PPM1L: variants seen among roughly 807,000 people sequenced by gnomAD.
The protein encoded by PPM1L is protein phosphatase 1L.
PPM1L carries 13 observed loss-of-function variants against 31.4 expected under a neutral mutation model. The ratio of observed to expected loss-of-function variants is 0.41; its 90% CI spans 0.27 to 0.66. PPM1L has a LOEUF of 0.66. PPM1L is among the 30% of genes least tolerant of loss of function. The pLI is 0.29. For synonymous variants in PPM1L, 184 were observed against 175.4 expected (o/e 1.05, Z -0.39); for missense variants, 326 against 453.7 (o/e 0.72, Z 2.56).
chr3:160,816,478 GTTT>G (rs5853903), intron 1 of PPM1L, among the ~76,000 whole-genome samples: 4 of 145,796 alleles, frequency 2.7e-5, no homozygotes, highest in Non-Finnish European at 1.5e-5. Context: ...GACAGAGTCT[GTTT>G]TTTTTTTTTT....
Position 160,756,474 on chromosome 3 carries a change from G to A in PPM1L, c.166G>A (p.Val56Met), listed in dbSNP as rs756280413. The change falls in exon 1 of 4, where the codon GTG becomes ATG. Residue 56 changes from valine to methionine, a missense_variant. Physicochemically the swap from Val to Met is conservative, Grantham distance 21 (BLOSUM62 1). Coordinates refer to ENST00000498165, the MANE Select transcript of PPM1L (RefSeq NM_139245.4). The surrounding 1 kb of genome is among the most constrained non-coding windows in gnomAD (Gnocchi z 6.2). The stretch of plus-strand genomic sequence containing the variant: ...CATCGTGAAGTCCAGCCGGGACGCC[G>A]TGAAGATGGTGAAGGGCAAGGTAGC... ...KTIVKSSRDA[V>M]KMVKGKVAEI... The A allele has an allele frequency of 6.2e-6, 10 of 1,614,072 alleles. No individual in the cohort carries two copies. The highest frequency in any genetic ancestry group is 5.0e-5 in the Admixed American group (3 of 60,008).
chr3:160,911,669 T>C (rs548751981), intron 1 of PPM1L, among the ~76,000 whole-genome samples: 1 of 152,282 alleles, frequency 6.6e-6, no homozygotes, highest in East Asian at 1.9e-4. Context: ...TGTACTAGCA[T>C]TGCCTTCTAG....
chr3:161,014,631 C>A (rs564843394), intron 2 of PPM1L, among the ~76,000 whole-genome samples: 7 of 152,042 alleles, frequency 4.6e-5, no homozygotes, highest in Non-Finnish European at 5.9e-5. Context: ...CACGCCACCA[C>A]GCCCAGCTAA....
intron 3 of PPM1L, 46 bp downstream of exon 3, chr3:161,065,610 G>T: frequency 6.3e-7 from 1 of 1,581,924 alleles, no homozygotes; most frequent in South Asian, 1.1e-5. Context: ...TCTTGCTGGT[G>T]AACAAGGCGG....
intron 1 of PPM1L, among the ~76,000 whole-genome samples, chr3:160,811,715 G>A (rs866664099): frequency 1.8e-4 from 27 of 152,156 alleles, no homozygotes; most frequent in African/African-American, 6.0e-4. Context: ...GCTCTGTGAC[G>A]TTCTACCTAG....
intron 1 of PPM1L, among the ~76,000 whole-genome samples, chr3:160,770,774 G>T (rs1369693252): frequency 6.6e-6 from 1 of 152,194 alleles, no homozygotes; most frequent in African/African-American, 2.4e-5. Flanking sequence ...GAGCCATTTT[G>T]CCCTGGCACT....
rs1576636132 is a variant in PPM1L, at chr3:160,785,027, A to G, written c.399+28320A>G. ...AACTTTCTAAGCCTTTGGCACACCCAGTAAATTGTTGCTCATATTTGAAGA... is the reference window on the plus strand; with the variant it reads ...AACTTTCTAAGCCTTTGGCACACCCGGTAAATTGTTGCTCATATTTGAAGA... On this transcript the variant is annotated intron_variant, in intron 1 of 3. Transcript: ENST00000498165. Among the ~76,000 whole-genome samples the G allele has an allele frequency of 3.9e-5, 6 of 152,312 alleles. 1 individual carries two copies. The Middle Eastern group carries it at 0.014, about 345-fold the overall frequency.
At chr3:160,949,338 G>A (rs937944952) in intron 1 of PPM1L, among the ~76,000 whole-genome samples, 5 of 152,056 alleles carry the variant, frequency 3.3e-5, no homozygotes, top group African/African-American at 1.2e-4. Context: ...TTTTTTAGTC[G>A]GGTTGAAAAT....
chr3:161,056,187 A>G (rs1236738636), intron 2 of PPM1L, among the ~76,000 whole-genome samples: 1 of 152,126 alleles, frequency 6.6e-6, no homozygotes, highest in Non-Finnish European at 1.5e-5. Flanking sequence ...GCACTACTTA[A>G]GAGATGCAGC....
At chr3:160,898,433 T>G (rs1320553701) in intron 1 of PPM1L, among the ~76,000 whole-genome samples, 1 of 152,188 alleles carries the variant, frequency 6.6e-6, no homozygotes, top group Non-Finnish European at 1.5e-5. Context: ...TGAGACCTGC[T>G]TAGGGCCCTC....
At chr3:160,887,235 T>C (rs1712947295) in intron 1 of PPM1L, among the ~76,000 whole-genome samples, 1 of 152,110 alleles carries the variant, frequency 6.6e-6, no homozygotes, top group African/African-American at 2.4e-5. Context: ...CTATGATTGA[T>C]TGGAGTACCT....
intron 1 of PPM1L, among the ~76,000 whole-genome samples, chr3:160,955,457 T>C (rs1346981380): frequency 6.6e-6 from 1 of 152,152 alleles, no homozygotes; most frequent in Non-Finnish European, 1.5e-5. Context: ...ATAAATATAT[T>C]AATTTATCTC....
chr3:160,953,950 A>G (rs1715652673), intron 1 of PPM1L, among the ~76,000 whole-genome samples: 2 of 152,212 alleles, frequency 1.3e-5, no homozygotes, highest in African/African-American at 2.4e-5. Context: ...CTTTTGTTCT[A>G]TTCTGGGTTT....
chr3:160,845,222 A>G (rs1226045384), intron 1 of PPM1L, among the ~76,000 whole-genome samples: 4 of 152,074 alleles, frequency 2.6e-5, no homozygotes, highest in African/African-American at 9.7e-5. Context: ...TTTGTGTACA[A>G]TATGTGTATG....
At chr3:160,871,189 A>G (rs1046864491) in intron 1 of PPM1L, among the ~76,000 whole-genome samples, 4 of 152,160 alleles carry the variant, frequency 2.6e-5, no homozygotes, top group African/African-American at 9.7e-5. Flanking sequence ...ATTTTCTTAT[A>G]ATTGGCACTG....
chr3:160,998,419 A>G (rs1717388540), intron 2 of PPM1L, among the ~76,000 whole-genome samples: 1 of 152,204 alleles, frequency 6.6e-6, no homozygotes, highest in South Asian at 2.1e-4. Context: ...AAAACACATA[A>G]AAATTAGTTT....
At chr3:160,772,653 G>A (rs1385378762) in intron 1 of PPM1L, among the ~76,000 whole-genome samples, 2 of 152,176 alleles carry the variant, frequency 1.3e-5, no homozygotes, top group Non-Finnish European at 2.9e-5. Context: ...AATTAAGGTA[G>A]TGAACATCTC....
At chr3:160,763,988 A>G (rs1715037673) in intron 1 of PPM1L, among the ~76,000 whole-genome samples, 1 of 152,234 alleles carries the variant, frequency 6.6e-6, no homozygotes, top group South Asian at 2.1e-4. Context: ...AAGTAAACTA[A>G]TTTTAATATT....
At position 160,944,254 on chromosome 3, in the gene PPM1L, T is replaced by C. The variant is rs554827074; in HGVS notation, c.400-17482T>C. Among the ~76,000 whole-genome samples, 47 of 152,228 alleles carry C rather than the reference T, an allele frequency of 3.1e-4. 5 individuals carry two copies. The South Asian group carries it at 6.0e-3, about 19-fold the overall frequency. ...TGTGAATCTTAATTCAAATTTTACA[T>C]GTCTCTTTGGGGCCTTGTTAATTTT... is the stretch of plus-strand genomic sequence containing the variant. On this transcript the variant is annotated intron_variant, in intron 1 of 3. Transcript: ENST00000498165.
Sources: gnomAD v4.1 joint callset for allele counts (sites outside exome capture counted in the v4.1 genomes callset) on GRCh38, gnomAD v4.1.1 for gene constraint, Gnocchi (gnomAD v3.1) non-coding constraint, MANE v1.5 for transcripts, NCBI Gene and HGNC (gene_info 2026-07-23, HGNC 2026-07-21) for gene names.